The following GRB10 variants were observed in gnomAD, a reference collection of about 807,000 sequenced individuals.
The protein encoded by GRB10 is growth factor receptor-bound protein 10.
Under a neutral mutation model 80.9 loss-of-function variants are expected in GRB10, and 20 were observed. The ratio of observed to expected loss-of-function variants is 0.25; its 90% confidence interval spans 0.17 to 0.36. GRB10 has a LOEUF of 0.36. Ranked by LOEUF, GRB10 falls within the 10% of genes least tolerant of loss-of-function variation. The pLI, the probability that GRB10 is intolerant of heterozygous loss-of-function variation, is 1.00. For missense variants in GRB10, 548 were observed against 747.7 expected (o/e 0.73, Z 3.12); for synonymous variants, 291 against 291.5 (o/e 1.00, Z 0.02).
chr7:50,758,250 C>G (rs10258458), intron 2 of GRB10, among the ~76,000 whole-genome samples: 1 of 151,738 alleles, frequency 6.6e-6, no homozygotes, highest in South Asian at 2.1e-4. Context: ...GAGAGTAGAC[C>G]AGCACACTTC....
At chr7:50,730,820 T>C (rs189130072) in intron 4 of GRB10, among the ~76,000 whole-genome samples, 124 of 152,258 alleles carry the variant, frequency 8.1e-4, no homozygotes, top group Non-Finnish European at 1.9e-4. Flanking sequence ...CTGTGGCCAT[T>C]ATCTGGCCCT....
At chr7:50,705,367 G>C in intron 4 of GRB10, 1 of 845,274 alleles carries the variant, frequency 1.2e-6, no homozygotes, top group South Asian at 5.4e-5. Flanking sequence ...AAGGAAGGGA[G>C]ACATTTTCAC....
At chr7:50,621,016 G>C (rs967994843) in intron 8 of GRB10, among the ~76,000 whole-genome samples, 3 of 152,204 alleles carry the variant, frequency 2.0e-5, no homozygotes, top group Admixed American at 2.0e-4. Context: ...AATGGGAGGT[G>C]ATAGCTACCT....
intron 8 of GRB10, among the ~76,000 whole-genome samples, 157 bp from the exon 9 acceptor site, chr7:50,619,442 T>C (rs1450518981): frequency 6.6e-6 from 1 of 152,270 alleles, no homozygotes; most frequent in Admixed American, 6.5e-5. Context: ...CTCTCTTTAA[T>C]GCATTACCAA....
intron 5 of GRB10, among the ~76,000 whole-genome samples, chr7:50,680,246 T>C (rs116798768): frequency 0.012 from 1,815 of 152,302 alleles, 30 homozygotes; most frequent in African/African-American, 0.041. Context: ...CAAATGCATA[T>C]AAATATCCTT....
intron 3 of GRB10, among the ~76,000 whole-genome samples, chr7:50,748,266 T>G (rs1485637768): frequency 1.3e-5 from 2 of 152,218 alleles, no homozygotes; most frequent in African/African-American, 2.4e-5. Flanking sequence ...GGAGGCCCCG[T>G]GGCCCATGAC....
intron 2 of GRB10, chr7:50,779,189 A>C (rs993762728): frequency 2.0e-5 from 3 of 150,546 alleles, no homozygotes; most frequent in Non-Finnish European, 2.9e-5. Flanking sequence ...TAAAGTGAAC[A>C]CAGGGGGAAA....
Position 50,756,040 on chromosome 7 carries a change from T to C in GRB10, c.-200A>G. 1 of 398,662 alleles carries C rather than the reference T, an allele frequency of 2.5e-6. No homozygotes were observed. The highest frequency in any genetic ancestry group is 4.4e-6 in the Non-Finnish European group (1 of 226,116). The allele number at this position is 398,662 out of a possible 1,614,324, so 24.7% of individuals were successfully genotyped here. On this transcript the variant is annotated 5_prime_UTR_variant, in exon 3 of 19. Transcript: ENST00000401949. ...GCAGCTGCTGCTTCCTGCTCAGCAT[T>C]GTGGTCAGCGCCAAAGCTGGAAAGT... is the stretch of plus-strand genomic sequence containing the variant.
intron 7 of GRB10, among the ~76,000 whole-genome samples, chr7:50,653,284 G>C (rs1253452673): frequency 6.6e-6 from 1 of 152,182 alleles, no homozygotes; most frequent in Non-Finnish European, 1.5e-5. Context: ...ACAGCAGGAA[G>C]AGTCTGTGCT....
chr7:50,789,819 C>G (rs2078840053), intron 1 of GRB10, among the ~76,000 whole-genome samples: 1 of 152,216 alleles, frequency 6.6e-6, no homozygotes, highest in South Asian at 2.1e-4. Context: ...CCACTCATTT[C>G]TACCTCTGAG....
chr7:50,784,709 A>T (rs771442038), upstream of GRB10, among the ~76,000 whole-genome samples: 2 of 152,236 alleles, frequency 1.3e-5, no homozygotes, highest in Non-Finnish European at 2.9e-5. Context: ...TAGAACAAGA[A>T]CAGAATCTTT....
At chr7:50,648,853 G>A (rs141392812) in intron 7 of GRB10, among the ~76,000 whole-genome samples, 77 of 152,288 alleles carry the variant, frequency 5.1e-4, no homozygotes, top group African/African-American at 1.7e-3. Flanking sequence ...CACTAGGAGA[G>A]GACAAAGTAA....
intron 2 of GRB10, among the ~76,000 whole-genome samples, chr7:50,771,848 C>G (rs2077010812): frequency 6.6e-6 from 1 of 152,226 alleles, no homozygotes; most frequent in South Asian, 2.1e-4. Flanking sequence ...TATTTCTGAC[C>G]TGGCAACATG....
chr7:50,641,854 C>T (rs954848328), intron 7 of GRB10, among the ~76,000 whole-genome samples: 1 of 152,154 alleles, frequency 6.6e-6, no homozygotes, highest in Non-Finnish European at 1.5e-5. Flanking sequence ...GAGGATTTAC[C>T]GTGAGCGAGC....
chr7:50,605,465 G>T, intron 14 of GRB10, 59 bp from the exon 15 acceptor site: 1 of 1,318,012 alleles, frequency 7.6e-7, no homozygotes, highest in Non-Finnish European at 1.1e-6. Flanking sequence ...GTGGAGTCTT[G>T]GCATGAAACT....
chr7:50,785,224 T>C (rs1196659871), upstream of GRB10, among the ~76,000 whole-genome samples: 1 of 152,200 alleles, frequency 6.6e-6, no homozygotes, highest in East Asian at 1.9e-4. Flanking sequence ...CACAGTTAAA[T>C]GCTCACTCAC....
At chr7:50,775,839 G>T (rs1182742317) in intron 2 of GRB10, among the ~76,000 whole-genome samples, 1 of 152,212 alleles carries the variant, frequency 6.6e-6, no homozygotes, top group Non-Finnish European at 1.5e-5. Context: ...CCACAGCAAT[G>T]GAACTAGCTG....
intron 1 of GRB10, among the ~76,000 whole-genome samples, chr7:50,788,012 G>T (rs997246012): frequency 1.3e-5 from 2 of 152,130 alleles, no homozygotes; most frequent in Non-Finnish European, 2.9e-5. Flanking sequence ...TCTAGGAACA[G>T]CGATCTCAAG....
chr7:50,601,898 C>T (rs1563116084), intron 17 of GRB10, among the ~76,000 whole-genome samples: 1 of 152,146 alleles, frequency 6.6e-6, no homozygotes. Context: ...CATCTTGTCA[C>T]CCCAAAATCA....
Sources: allele counts gnomAD v4.1 joint callset (sites outside exome capture counted in the v4.1 genomes callset), GRCh38; gene constraint gnomAD v4.1.1; transcripts MANE v1.5; gene names NCBI Gene and HGNC (gene_info 2026-07-23, HGNC 2026-07-21).